The following HTR7 variants were observed in gnomAD, a reference collection of about 807,000 sequenced individuals.
The protein encoded by HTR7 is 5-hydroxytryptamine receptor 7, also known as 5-HT-7.
HTR7 carries 16 observed loss-of-function variants against 34.0 expected under a neutral mutation model. The ratio of observed to expected loss-of-function variants is 0.47; its 90% confidence interval spans 0.32 to 0.71. The LOEUF (loss-of-function observed/expected upper bound fraction) is 0.71, where lower values mean the gene tolerates loss of function less well. Ranked by LOEUF, HTR7 falls within the 30% of genes least tolerant of loss-of-function variation. The pLI, the probability that HTR7 is intolerant of heterozygous loss-of-function variation, is 0.04. For synonymous variants in HTR7, 265 were observed against 260.2 expected, an observed-to-expected ratio of 1.02 and a Z score of -0.18; for missense variants, 504 against 625.5, an observed-to-expected ratio of 0.81 and a Z score of 2.07.
chr10:90,806,400 C>T (rs183652624), intron 1 of HTR7, among the ~76,000 whole-genome samples: 2,394 of 152,106 alleles, frequency 0.016, 77 homozygotes, highest in African/African-American at 0.054. Context: ...AGATCGAGAC[C>T]GTCCTGGCCA....
chr10:90,823,646 T>C (rs1846023376), intron 1 of HTR7, among the ~76,000 whole-genome samples: 1 of 152,042 alleles, frequency 6.6e-6, no homozygotes, highest in Non-Finnish European at 1.5e-5. Flanking sequence ...GAGAAGGACA[T>C]GAGATTTGGA....
At chr10:90,836,940 G>A (rs1181618943) in intron 1 of HTR7, among the ~76,000 whole-genome samples, 5 of 152,154 alleles carry the variant, frequency 3.3e-5, no homozygotes, top group African/African-American at 1.2e-4. Flanking sequence ...GACAAATTCA[G>A]AAGAACCTGT....
At chr10:90,832,499 C>T (rs1023122899) in intron 1 of HTR7, among the ~76,000 whole-genome samples, 8 of 152,150 alleles carry the variant, frequency 5.3e-5, no homozygotes, top group Admixed American at 1.3e-4. Context: ...CACGCCCACC[C>T]GGAACTCCAG....
intron 1 of HTR7, among the ~76,000 whole-genome samples, chr10:90,755,222 T>A (rs1844817771): frequency 6.6e-6 from 1 of 152,330 alleles, no homozygotes; most frequent in African/African-American, 2.4e-5. Context: ...AACAAAATCA[T>A]TATGAATCAT....
intron 1 of HTR7, among the ~76,000 whole-genome samples, chr10:90,828,021 A>T (rs573792727): frequency 6.6e-6 from 1 of 152,246 alleles, no homozygotes; most frequent in South Asian, 2.1e-4. Flanking sequence ...ATCTTCTCTG[A>T]CCACAATGGA....
At chr10:90,823,723 A>C (rs552897446) in intron 1 of HTR7, among the ~76,000 whole-genome samples, 69 of 152,320 alleles carry the variant, frequency 4.5e-4, no homozygotes, top group African/African-American at 1.2e-3. Flanking sequence ...ATGACCTACA[A>C]TCTTCAATGC....
At chr10:90,777,480 C>CAAAAAAA (rs1187256524) in intron 1 of HTR7, among the ~76,000 whole-genome samples, 2 of 50,632 alleles carry the variant, frequency 4.0e-5, no homozygotes, top group African/African-American at 1.4e-4. Flanking sequence ...GACTCCGTCT[C>CAAAAAAA]AAAAAAAAAA....
intron 1 of HTR7, among the ~76,000 whole-genome samples, chr10:90,754,621 G>A (rs1844804537): frequency 6.6e-6 from 1 of 152,174 alleles, no homozygotes; most frequent in African/African-American, 2.4e-5. Context: ...ACTCACAATA[G>A]GGGTGCCATT....
Position 90,749,053 on chromosome 10 carries a change from T to C in HTR7, c.1081A>G (p.Ile361Val), listed in dbSNP as rs1844687333. Reference protein sequence around the residue: ...PFICGTSCSCIPLWVERTFLW... With the variant: ...PFICGTSCSCVPLWVERTFLW... ...AATGTCCTCTCCACCCACAGTGGGATGCAGCTGCAGGAAGTGCCACAGATG... is the reference window on the plus strand; with the variant it reads ...AATGTCCTCTCCACCCACAGTGGGACGCAGCTGCAGGAAGTGCCACAGATG... The change falls in exon 2 of 4, where the codon ATC becomes GTC. Residue 361 changes from isoleucine (I) to valine (V), a missense_variant. By Grantham distance (29) the Ile-to-Val change is conservative. Around this residue, in one of 4 missense-constraint regions of HTR7, gnomAD observed 154 missense variants for 212.1 expected, o/e 0.73. Transcript: ENST00000336152. The surrounding 1 kb of genome is among the most constrained non-coding windows in gnomAD (Gnocchi z 4.2). The C allele has an allele frequency of 1.2e-6, 2 of 1,614,016 alleles. No individual in the cohort carries two copies. Among genetic ancestry groups the C allele is most frequent in the Admixed American group, 1.7e-5 (1 of 60,004 alleles).
chr10:90,811,460 C>A (rs1037441127), intron 1 of HTR7, among the ~76,000 whole-genome samples: 1 of 152,090 alleles, frequency 6.6e-6, no homozygotes, highest in African/African-American at 2.4e-5. Context: ...TCCTTCTCCC[C>A]TGTTTCTCAC....
At position 90,748,978 on chromosome 10, in the gene HTR7, A is replaced by T; in HGVS notation, c.1156T>A (p.Phe386Ile). Residue 386 changes from phenylalanine to isoleucine, a missense_variant, in exon 2 of 4, where the codon TTC (phenylalanine) becomes ATC (isoleucine). Coordinates refer to ENST00000336152, the MANE Select transcript of HTR7 (RefSeq NM_019859.4). ...NSLINPFIYA[F>I]FNRDLRTTYR... ...GTGGTCCTCAGGTCCCGGTTGAAGAAGGCATATATAAAAGGGTTAATGAGA... is the reference window on the plus strand; with the variant it reads ...GTGGTCCTCAGGTCCCGGTTGAAGATGGCATATATAAAAGGGTTAATGAGA... 1 of 1,614,142 alleles carries T rather than the reference A, an allele frequency of 6.2e-7. No individual in the cohort carries two copies. The highest frequency in any genetic ancestry group is 8.5e-7 in the Non-Finnish European group (1 of 1,180,012).
intron 1 of HTR7, among the ~76,000 whole-genome samples, chr10:90,785,658 C>T (rs1845369404): frequency 6.6e-6 from 1 of 152,186 alleles, no homozygotes; most frequent in Non-Finnish European, 1.5e-5. Context: ...GCCATTTCAG[C>T]CAAGAACCAG....
At chr10:90,743,713 G>C (rs763401545) in intron 2 of HTR7, 23 bp from the exon 3 acceptor site, 1 of 1,533,538 alleles carries the variant, frequency 6.5e-7, no homozygotes. Context: ...GCAATTCAAA[G>C]CAAATCCATA....
intron 1 of HTR7, among the ~76,000 whole-genome samples, chr10:90,851,693 C>T (rs1051700543): frequency 1.3e-5 from 2 of 151,894 alleles, no homozygotes; most frequent in African/African-American, 4.8e-5. Flanking sequence ...ACTAGCAAAC[C>T]CTCAGTAATA....
In HTR7 at chr10:90,857,052, T is replaced by G; in HGVS notation, c.539+81A>C. 2 of 1,319,910 alleles carry G rather than the reference T, an allele frequency of 1.5e-6. No homozygotes were observed. Among genetic ancestry groups the G allele is most frequent in the East Asian group, 2.5e-5 (1 of 39,498 alleles). 81.8% of individuals were successfully genotyped at this position (1,319,910 alleles called of 1,614,324 possible). ...CCCGCCTTGAAGTCTAGCTTGATCC[T>G]CCCAGGAAAGGCGAGCGCGCGGGGC... On this transcript the variant is annotated intron_variant, in intron 1 of 3. Transcript: ENST00000336152. This position sits in a 1 kb window ranked among gnomAD's most constrained non-coding sequence, Gnocchi z 6.5.
intron 1 of HTR7, among the ~76,000 whole-genome samples, chr10:90,802,639 A>G (rs1240459141): frequency 2.6e-5 from 4 of 152,260 alleles, no homozygotes; most frequent in Non-Finnish European, 2.9e-5. Flanking sequence ...CGTTATAGCT[A>G]GCCTTAAAAA....
At chr10:90,846,501 G>A (rs1031306216) in intron 1 of HTR7, among the ~76,000 whole-genome samples, 25 of 152,182 alleles carry the variant, frequency 1.6e-4, no homozygotes, top group African/African-American at 5.3e-4. Context: ...GGAGTTGACA[G>A]TCCTCCACGA....
chr10:90,845,779 C>T (rs1846406239), intron 1 of HTR7, among the ~76,000 whole-genome samples: 1 of 152,168 alleles, frequency 6.6e-6, no homozygotes. Flanking sequence ...TGGCTGGCCT[C>T]CAAGAAGACC....
chr10:90,814,902 G>C (rs1845874631), intron 1 of HTR7, among the ~76,000 whole-genome samples: 1 of 152,154 alleles, frequency 6.6e-6, no homozygotes, highest in Non-Finnish European at 1.5e-5. Flanking sequence ...GCCAATAATT[G>C]CCTGGGGCAT....
Sources: allele counts gnomAD v4.1 joint callset (sites outside exome capture counted in the v4.1 genomes callset), GRCh38; gene constraint gnomAD v4.1.1; regional missense constraint gnomAD v4.1.1; non-coding constraint Gnocchi (gnomAD v3.1); transcripts MANE v1.5; gene names NCBI Gene and HGNC (gene_info 2026-07-23, HGNC 2026-07-21).